USP39: variants seen among roughly 807,000 people sequenced by gnomAD.
USP39 encodes ubiquitin specific peptidase 39, also known as ubiquitin carboxyl-terminal hydrolase 39.
A neutral mutation model predicts 66.4 loss-of-function variants in USP39; 38 were observed. That is an observed-to-expected ratio of 0.57 (90% confidence interval 0.44 to 0.75). The LOEUF is 0.75. Among genes scored for constraint, USP39 ranks in the 30% least tolerant of loss-of-function variants. The probability of loss-of-function intolerance (pLI) is 0.00; values close to 1 mark genes in which losing one functional copy is unlikely to be tolerated. For missense variants in USP39, 608 were observed against 714.4 expected (o/e 0.85, Z 1.70); for synonymous variants, 303 against 274.6 (o/e 1.10, Z -1.02).
At position 85,645,022 on chromosome 2, in the gene USP39, C is replaced by G. The variant is rs771140022; in HGVS notation, c.1502C>G (p.Ala501Gly). 14 of 1,614,028 alleles carry G rather than the reference C, an allele frequency of 8.7e-6. No homozygotes were observed. The highest frequency in any genetic ancestry group is 1.6e-4 in the Middle Eastern group (1 of 6,084). ...AAGAATACCACCTATGACCTCATTGCCAACATCGTGCATGACGGCAAGCCC... is the reference window on the plus strand; with the variant it reads ...AAGAATACCACCTATGACCTCATTGGCAACATCGTGCATGACGGCAAGCCC... The part of the protein sequence containing the change: ...VHKNTTYDLI[A>G]NIVHDGKPSE... The change falls in exon 11 of 13, where the codon GCC (alanine) becomes GGC (glycine). Residue 501 changes from alanine (A) to glycine (G), a missense_variant. Ala to Gly is a moderately conservative substitution (Grantham distance 60). Around this residue, in one of 6 missense-constraint regions of USP39, gnomAD observed 164 missense variants for 250.3 expected, o/e 0.66. Transcript: ENST00000323701.
chr2:85,613,279 C>A (rs773721691), upstream of USP39, among the ~76,000 whole-genome samples: 1 of 151,918 alleles, frequency 6.6e-6, no homozygotes, highest in Admixed American at 6.6e-5. Flanking sequence ...GAGGCCCAGG[C>A]GGGCAGATCA....
chr2:85,623,587 C>T (rs1674623853), intron 3 of USP39, 59 bp from the exon 4 acceptor site: 1 of 1,518,044 alleles, frequency 6.6e-7, no homozygotes, highest in African/African-American at 1.4e-5. Context: ...GAAAAGCAAA[C>T]CTGATCTGTG....
Position 85,648,989 on chromosome 2 carries a change from C to G in USP39, c.*181C>G. On this transcript the variant is annotated 3_prime_UTR_variant, in exon 13 of 13. Transcript: ENST00000323701. ...CCTGGGATGGCCCCACACTGTCACT[C>G]AGCTGTTCTTTGATCATTTTTTTCT... is the stretch of plus-strand genomic sequence containing the variant. 8.7e-6 allele frequency: 6 copies of G among 688,836 alleles called. No individual in the cohort carries two copies. The South Asian group carries it at 1.1e-4, about 13-fold the overall frequency. The allele number at this position is 688,836 out of a possible 1,614,324, so 42.7% of individuals were successfully genotyped here. A position where few individuals can be genotyped will look rare whatever the true frequency, so the allele number is the denominator to read the frequency against.
At chr2:85,622,573 TA>T (rs1271505596) in intron 3 of USP39, among the ~76,000 whole-genome samples, 10 of 151,652 alleles carry the variant, frequency 6.6e-5, no homozygotes, top group African/African-American at 2.4e-4. Context: ...TATTTTATTT[TA>T]TTTTTTTGTG....
At chr2:85,619,916 G>A (rs538767632) in intron 2 of USP39, among the ~76,000 whole-genome samples, 44 of 151,678 alleles carry the variant, frequency 2.9e-4, no homozygotes, top group Admixed American at 5.9e-4. Flanking sequence ...GTGCAATGGC[G>A]CGATCTTGGC....
intron 10 of USP39, 146 bp from the exon 11 acceptor site, chr2:85,644,802 C>T: frequency 9.9e-7 from 1 of 1,007,062 alleles, no homozygotes; most frequent in Non-Finnish European, 1.4e-6. Flanking sequence ...TTCCAACGCA[C>T]CTGGACCTTC....
At chr2:85,612,409 T>G (rs1372652116), upstream of USP39, 20 of 1,503,756 alleles carry the variant, frequency 1.3e-5, no homozygotes. Context: ...TTTGGCTGAC[T>G]GTGTAACGCT....
intron 1 of USP39, among the ~76,000 whole-genome samples, chr2:85,603,661 G>T (rs1673093584): frequency 1.3e-5 from 2 of 149,844 alleles, no homozygotes; most frequent in South Asian, 4.2e-4. Context: ...GCGCGATCTC[G>T]GCTCACTGTA....
chr2:85,608,768 A>AT (rs1673316695), upstream of USP39: 2 of 579,250 alleles, frequency 3.5e-6, no homozygotes, highest in Non-Finnish European at 5.6e-6. Flanking sequence ...GGGTCAACAT[A>AT]TAAGAAAGAA....
upstream of USP39, among the ~76,000 whole-genome samples, chr2:85,613,073 C>T (rs1673677819): frequency 6.6e-6 from 1 of 151,638 alleles, no homozygotes; most frequent in Admixed American, 6.6e-5. Context: ...AGGACAGGGA[C>T]AAACGGCTGG....
chr2:85,609,091 GCTCAGGGCCTGGC>G (rs759750067), upstream of USP39: 2 of 1,612,922 alleles, frequency 1.2e-6, no homozygotes, highest in African/African-American at 2.7e-5. Context: ...GAGTCAGAAG[GCTCAGGGCCTGGC>G]CTCTTCCAGA....
chr2:85,613,772 AT>A (rs201185317), upstream of USP39, among the ~76,000 whole-genome samples: 3 of 151,384 alleles, frequency 2.0e-5, no homozygotes, highest in African/African-American at 4.9e-5. Context: ...GATTCTTTAA[AT>A]TTTTTTTTAT....
Position 85,619,234 on chromosome 2 carries a change from G to C in USP39, c.283G>C (p.Val95Leu). The change falls in exon 2 of 13, where the codon GTG becomes CTG. Residue 95 changes from valine (V) to leucine (L), a missense_variant. Val to Leu is a conservative substitution (Grantham distance 32, BLOSUM62 1). Transcript: ENST00000323701. ...TTTCCTTTCAGCAAAGAATGGCCGA[G>C]TGGATTCTGAGGACCGGAGGAGCCG... ...EREVRAKNGR[V>L]DSEDRRSRHC... 1 of 1,613,886 alleles carries C rather than the reference G, an allele frequency of 6.2e-7. No homozygotes were observed. The highest frequency in any genetic ancestry group is 8.5e-7 in the Non-Finnish European group (1 of 1,179,982).
chr2:85,608,701 CAAAAAAAAAAAAA>C (rs5832651), upstream of USP39: 64 of 55,446 alleles, frequency 1.2e-3, 1 homozygote, highest in East Asian at 0.02. Context: ...ACAAAATCCT[CAAAAAAAAAAAAA>C]AAAAAAAAAA....
rs974090416 is a variant in USP39, at chr2:85,630,587, G to A, written c.724-134G>A. 5 of 739,762 alleles carry A rather than the reference G, an allele frequency of 6.8e-6. No homozygotes were observed. The Admixed American group carries it at 1.4e-4, about 21-fold the overall frequency. The allele number at this position is 739,762 out of a possible 1,614,324, so 45.8% of individuals were successfully genotyped here. A position where few individuals can be genotyped will look rare whatever the true frequency, so the allele number is the denominator to read the frequency against. On this transcript the variant is annotated intron_variant, in intron 5 of 12. Coordinates refer to ENST00000323701, the MANE Select transcript of USP39 (RefSeq NM_006590.4). Reference sequence around the variant, plus strand: ...TGAGCCTGGGTAGGATTCTCCAAGGGTCCATTTACTTTTGGCTCTTTAAGG... The same window carrying A: ...TGAGCCTGGGTAGGATTCTCCAAGGATCCATTTACTTTTGGCTCTTTAAGG...
intron 1 of USP39, among the ~76,000 whole-genome samples, chr2:85,618,022 C>T (rs1674130013): frequency 6.6e-6 from 1 of 150,990 alleles, no homozygotes; most frequent in South Asian, 2.1e-4. Flanking sequence ...GGCACGATCT[C>T]AGCTCACTGC....
In USP39 at chr2:85,616,276, C is replaced by G; in HGVS notation, c.81C>G (p.Arg27=). 6.4e-7 allele frequency: 1 copy of G among 1,553,586 alleles called. No individual in the cohort carries two copies. Among genetic ancestry groups the G allele is most frequent in the Non-Finnish European group, 8.7e-7 (1 of 1,147,970 alleles). ...RESESRGSSG[R]VKRERDRERE... ...CTGAGTCGCGGGGCAGCTCCGGTCG[C>G]GTCAAGCGGGAGCGAGATCGGGAGC... The change falls in exon 1 of 13, where the codon CGC becomes CGG. Residue 27 remains arginine, a synonymous_variant. Coordinates refer to ENST00000323701, the MANE Select transcript of USP39 (RefSeq NM_006590.4).
upstream of USP39, chr2:85,609,005 C>A: frequency 6.2e-7 from 1 of 1,614,246 alleles, no homozygotes; most frequent in Non-Finnish European, 8.5e-7. Flanking sequence ...GGGCTTCTCG[C>A]ATGGGTGGAT....
chr2:85,611,334 T>G, upstream of USP39: 1 of 1,434,962 alleles, frequency 7.0e-7, no homozygotes, highest in Non-Finnish European at 9.1e-7. Context: ...CATTCCGCAA[T>G]TATGTGCTGG....
Sources: gnomAD v4.1 joint callset for allele counts (sites outside exome capture counted in the v4.1 genomes callset) on GRCh38, gnomAD v4.1.1 for gene constraint, gnomAD v4.1.1 regional missense constraint, MANE v1.5 for transcripts, NCBI Gene and HGNC (gene_info 2026-07-23, HGNC 2026-07-21) for gene names.